Variants in TEX10 observed in about 807,000 individuals in gnomAD.
TEX10 encodes testis-expressed protein 10.
A neutral mutation model predicts 104.4 loss-of-function variants in TEX10; 24 were observed. That is an observed-to-expected ratio of 0.23 (90% CI 0.17 to 0.32). The LOEUF (loss-of-function observed/expected upper bound fraction) is 0.32. TEX10 is among the 10% of genes least tolerant of loss of function. The pLI is 1.00. For missense variants in TEX10, 921 were observed against 1,083.9 expected (o/e 0.85, Z 2.11); for synonymous variants, 396 against 393.4 (o/e 1.01, Z -0.08).
intron 11 of TEX10, among the ~76,000 whole-genome samples, chr9:100,311,046 C>T (rs1035027021): frequency 6.6e-6 from 1 of 152,140 alleles, no homozygotes; most frequent in African/African-American, 2.4e-5. Context: ...GAAACTATGA[C>T]TTTAAGCAAA....
At chr9:100,332,743 C>T (rs1419986287) in intron 5 of TEX10, among the ~76,000 whole-genome samples, 2 of 151,966 alleles carry the variant, frequency 1.3e-5, no homozygotes, top group African/African-American at 2.4e-5. Context: ...ATAGCGTGAA[C>T]CCGGGAGGTG....
intron 9 of TEX10, among the ~76,000 whole-genome samples, chr9:100,323,812 T>G (rs1021242471): frequency 4.9e-4 from 74 of 152,106 alleles, no homozygotes; most frequent in African/African-American, 1.6e-3. Flanking sequence ...GACCAATTAG[T>G]GTGACAAGAT....
chr9:100,329,895 T>C (rs1834812777), intron 6 of TEX10, 36 bp downstream of exon 6: 21 of 1,490,986 alleles, frequency 1.4e-5, no homozygotes, highest in Non-Finnish European at 1.9e-5. Flanking sequence ...ATGTAAGAGC[T>C]CCACTCTTAA....
chr9:100,332,124 A>T (rs1022300319), intron 5 of TEX10, among the ~76,000 whole-genome samples: 2 of 152,204 alleles, frequency 1.3e-5, no homozygotes, highest in African/African-American at 4.8e-5. Flanking sequence ...CTGACACTGG[A>T]AGAAGTCTGA....
chr9:100,328,187 T>C (rs995474303), intron 7 of TEX10, among the ~76,000 whole-genome samples: 1 of 152,194 alleles, frequency 6.6e-6, no homozygotes, highest in African/African-American at 2.4e-5. Flanking sequence ...GTATCTAAAT[T>C]GTATTTTTAT....
At chr9:100,317,637 A>T (rs1834454863) in intron 11 of TEX10, among the ~76,000 whole-genome samples, 1 of 152,140 alleles carries the variant, frequency 6.6e-6, no homozygotes, top group Admixed American at 6.5e-5. Flanking sequence ...GACAAATAGG[A>T]CTTCATTACA....
chr9:100,302,283 G>T lies in TEX10; in HGVS notation c.2698C>A (p.Gln900Lys). 1 of 1,613,272 alleles carries T rather than the reference G, an allele frequency of 6.2e-7. No individual in the cohort carries two copies. The highest frequency in any genetic ancestry group is 1.1e-5 in the South Asian group (1 of 90,922). Residue 900 changes from glutamine to lysine, a missense_variant, in exon 15 of 15, where the codon CAG (glutamine) becomes AAG (lysine). Transcript: ENST00000374902. ...TGTAAGTCTGTGAGCCACTGTTCCTGAACACTTCCACTCTTCAATGTCTGG... is the reference window on the plus strand; with the variant it reads ...TGTAAGTCTGTGAGCCACTGTTCCTTAACACTTCCACTCTTCAATGTCTGG... Reference protein sequence around the residue: ...NITTLKSGSVQEQWLTDLHYC... With the variant: ...NITTLKSGSVKEQWLTDLHYC...
intron 1 of TEX10, chr9:100,352,278 G>A: frequency 1.4e-6 from 2 of 1,383,754 alleles, no homozygotes; most frequent in Non-Finnish European, 2.0e-6. Context: ...AAATGGCCCA[G>A]GCAGGGGCGA....
chr9:100,334,375 A>G (rs1315441058), intron 5 of TEX10, among the ~76,000 whole-genome samples: 2 of 152,182 alleles, frequency 1.3e-5, no homozygotes, highest in Non-Finnish European at 2.9e-5. Flanking sequence ...CTCAAAGAAA[A>G]TAACTGCCAA....
At chr9:100,338,006 A>G (rs1240730672) in intron 5 of TEX10, among the ~76,000 whole-genome samples, 1 of 152,128 alleles carries the variant, frequency 6.6e-6, no homozygotes, top group African/African-American at 2.4e-5. Context: ...TTACAGAGCT[A>G]CTGTTTCTCA....
intron 6 of TEX10, 128 bp downstream of exon 6, chr9:100,329,803 C>G: frequency 1.2e-6 from 1 of 826,454 alleles, no homozygotes; most frequent in Non-Finnish European, 1.9e-6. Flanking sequence ...CAGTAGCTAC[C>G]TTTTATGGCT....
At chr9:100,317,850 A>C (rs529897620) in intron 11 of TEX10, among the ~76,000 whole-genome samples, 2 of 152,312 alleles carry the variant, frequency 1.3e-5, no homozygotes, top group African/African-American at 4.8e-5. Context: ...TCAAGATGAC[A>C]AATTGGCCAA....
At chr9:100,335,801 G>C (rs1429918188) in intron 5 of TEX10, among the ~76,000 whole-genome samples, 1 of 151,730 alleles carries the variant, frequency 6.6e-6, no homozygotes, top group East Asian at 1.9e-4. Context: ...CCACTGAACT[G>C]TACACTTAAA....
chr9:100,304,382 T>C (rs1834091890), intron 13 of TEX10: 1 of 156,604 alleles, frequency 6.4e-6, no homozygotes, highest in African/African-American at 2.4e-5. Context: ...AACAGACAGA[T>C]AAACCAATGG....
rs538733193 is a variant in TEX10, at chr9:100,345,892, GATA to G, written c.1137+177_1137+179del. 4.2e-3 allele frequency among the ~76,000 whole-genome samples: 637 copies of G among 151,790 alleles called. 4 individuals are homozygous for G. Among genetic ancestry groups the G allele is most frequent in the African/African-American group, 0.015 (612 of 41,346 alleles). ...AAATATATATATATATATATTCACA[GATA>G]ATAACTTCAGAAAACTAATTTGTAG... On this transcript the variant is annotated intron_variant, in intron 4 of 14. Transcript: ENST00000374902.
At chr9:100,327,448 C>T (rs546107242) in intron 8 of TEX10, among the ~76,000 whole-genome samples, 24 of 150,504 alleles carry the variant, frequency 1.6e-4, no homozygotes, top group African/African-American at 4.6e-4. Context: ...GAAAGTCATA[C>T]GAGATATTCA....
chr9:100,344,568 A>G (rs1468419877), intron 4 of TEX10, among the ~76,000 whole-genome samples: 1 of 152,214 alleles, frequency 6.6e-6, no homozygotes, highest in Non-Finnish European at 1.5e-5. Flanking sequence ...AAACTAGGCC[A>G]GGCGTGGTGG....
At chr9:100,349,691 G>C (rs1294966818) in intron 1 of TEX10, among the ~76,000 whole-genome samples, 1 of 152,062 alleles carries the variant, frequency 6.6e-6, no homozygotes, top group East Asian at 1.9e-4. Context: ...TTCGAGTGTA[G>C]GAGAGCAGCA....
chr9:100,322,817 T>C (rs910055193), intron 9 of TEX10, among the ~76,000 whole-genome samples: 1 of 152,182 alleles, frequency 6.6e-6, no homozygotes, highest in African/African-American at 2.4e-5. Flanking sequence ...GGTTTCACCA[T>C]GTTGACCAGG....
Sources: allele counts gnomAD v4.1 joint callset (sites outside exome capture counted in the v4.1 genomes callset), GRCh38; gene constraint gnomAD v4.1.1; transcripts MANE v1.5; gene names NCBI Gene and HGNC (gene_info 2026-07-23, HGNC 2026-07-21).